HERC5: variants seen among roughly 807,000 people sequenced by gnomAD.
HERC5 encodes E3 ISG15--protein ligase HERC5.
HERC5 carries 99 observed loss-of-function variants against 119.6 expected under a neutral mutation model. The observed-to-expected ratio is 0.83, with a 90% CI of 0.70 to 0.98. The LOEUF is 0.98. Among genes scored for constraint, HERC5 ranks in the 50% least tolerant of loss-of-function variants. The probability of loss-of-function intolerance (pLI) is 0.00; values close to 1 mark genes in which losing one functional copy is unlikely to be tolerated. For missense variants in HERC5, 1,267 were observed against 1,241.3 expected (o/e 1.02, Z -0.31); for synonymous variants, 478 against 445.9 (o/e 1.07, Z -0.91).
Position 88,464,965 on chromosome 4 carries a change from T to C in HERC5, c.911+980T>C, listed in dbSNP as rs140060115. ...TTTTGTATTTTTAGTAAAGACGGGGTTTCACTGTGTTAGCCAGGATGGTCT... is the reference window on the plus strand; with the variant it reads ...TTTTGTATTTTTAGTAAAGACGGGGCTTCACTGTGTTAGCCAGGATGGTCT... On this transcript the variant is annotated intron_variant, in intron 6 of 22. Transcript: ENST00000264350. Among the ~76,000 whole-genome samples, 61 of 152,094 alleles carry C rather than the reference T, an allele frequency of 4.0e-4. 1 individual carries two copies. The highest frequency in any genetic ancestry group is 7.8e-4 in the Non-Finnish European group (53 of 68,002).
intron 1 of HERC5, among the ~76,000 whole-genome samples, 197 bp downstream of exon 1, chr4:88,457,731 G>A (rs556616902): frequency 2.2e-4 from 33 of 152,318 alleles, no homozygotes; most frequent in African/African-American, 7.5e-4. Flanking sequence ...CGCGGGGTGA[G>A]CGGGATACTG....
At chr4:88,469,105 C>A in intron 8 of HERC5, 52 bp from the exon 9 acceptor site, 1 of 1,253,944 alleles carries the variant, frequency 8.0e-7, no homozygotes, top group Non-Finnish European at 1.2e-6. Context: ...AGTTGGGTGC[C>A]TATCTCTGAT....
At chr4:88,477,440 G>T (rs1328371264) in intron 12 of HERC5, among the ~76,000 whole-genome samples, 17 of 87,438 alleles carry the variant, frequency 1.9e-4, no homozygotes, top group African/African-American at 8.5e-4. Context: ...GGAAAGGGAC[G>T]GGGAGGGGAA....
In HERC5 at chr4:88,457,521, C is replaced by A; in HGVS notation, c.252C>A (p.Gly84=). Reference sequence around the variant, plus strand: ...ACCAGCTGCTCGCCGGGAGCGGCGGCGCCCGGACGCCGAGTGAGTGGGGCT... The same window carrying A: ...ACCAGCTGCTCGCCGGGAGCGGCGGAGCCCGGACGCCGAGTGAGTGGGGCT... ...QVHQLLAGSG[G]ARTPKCIKLG... Residue 84 remains glycine, a synonymous_variant, in exon 1 of 23, where the codon GGC becomes GGA. Coordinates refer to ENST00000264350, the MANE Select transcript of HERC5 (RefSeq NM_016323.4). 1 of 1,269,032 alleles carries A rather than the reference C, an allele frequency of 7.9e-7. No homozygotes were observed. Among genetic ancestry groups the A allele is most frequent in the Middle Eastern group, 2.9e-4 (1 of 3,446 alleles). The allele number at this position is 1,269,032 out of a possible 1,614,324, so 78.6% of individuals were successfully genotyped here.
At chr4:88,460,035 A>T in intron 2 of HERC5, 60 bp from the exon 3 acceptor site, 1 of 950,392 alleles carries the variant, frequency 1.1e-6, no homozygotes, top group East Asian at 2.5e-5. Context: ...TAATAGTTCT[A>T]AAATCCATGT....
intron 15 of HERC5, 31 bp downstream of exon 15, chr4:88,487,210 A>G: frequency 8.2e-7 from 1 of 1,213,412 alleles, no homozygotes; most frequent in Non-Finnish European, 1.2e-6. Context: ...TCATTAGCAT[A>G]AATCACATGC....
At chr4:88,458,457 G>A (rs1438830494) in intron 1 of HERC5, among the ~76,000 whole-genome samples, 1 of 151,768 alleles carries the variant, frequency 6.6e-6, no homozygotes, top group African/African-American at 2.4e-5. Context: ...GAGGTAGGAG[G>A]GGAGCTAGAT....
Position 88,472,491 on chromosome 4 carries a change from AT to A in HERC5, c.1383del (p.Thr462LeufsTer3). 6.4e-7 allele frequency: 1 copy of A among 1,562,716 alleles called. No individual in the cohort carries two copies. Among genetic ancestry groups the A allele is most frequent in the Non-Finnish European group, 8.8e-7 (1 of 1,137,348 alleles). On this transcript the variant is annotated frameshift_variant, in exon 11 of 23. Transcript: ENST00000264350. LOFTEE classifies it high-confidence loss of function. ...IFKELTQKDW[I>X]TNMITTCLKD... ...CAAGGAGTTAACCCAAAAGGACTGG[AT>A]TACTAACATGGTATCTTCAGATTGT...
rs930433890 is a variant in HERC5 at position 88,475,890 on chromosome 4, C to T, written c.1442C>T (p.Ser481Phe). ...DNLLKRLPFH[S>F]PPQEALEIFF... The stretch of plus-strand genomic sequence containing the variant: ...CTGCTCAAAAGACTTCCATTTCATT[C>T]TCCACCCCAAGAAGCTTTAGAAATT... Residue 481 changes from serine (S) to phenylalanine (F), a missense_variant, in exon 12 of 23, where the codon TCT (serine) becomes TTT (phenylalanine). Physicochemically the swap from Ser to Phe is radical, Grantham distance 155. This residue lies in a region of HERC5 where 777 missense variants were observed against 758.0 expected (regional missense o/e 1.03). Transcript: ENST00000264350. 3.1e-6 allele frequency: 5 copies of T among 1,613,910 alleles called. No homozygotes were observed. The highest frequency in any genetic ancestry group is 2.7e-5 in the African/African-American group (2 of 74,920).
chr4:88,476,153 C>A, intron 12 of HERC5, 123 bp downstream of exon 12: 1 of 702,124 alleles, frequency 1.4e-6, no homozygotes, highest in Non-Finnish European at 2.3e-6. Flanking sequence ...GTATTGTTAG[C>A]ATACTCTAAA....
At chr4:88,487,699 T>C (rs1280824850) in intron 15 of HERC5, among the ~76,000 whole-genome samples, 2 of 152,182 alleles carry the variant, frequency 1.3e-5, no homozygotes, top group Non-Finnish European at 2.9e-5. Context: ...TGTTACTAGC[T>C]GAGGTGGTTA....
intron 12 of HERC5, among the ~76,000 whole-genome samples, chr4:88,477,652 G>A (rs1741131527): frequency 6.6e-6 from 1 of 151,896 alleles, no homozygotes; most frequent in South Asian, 2.1e-4. Flanking sequence ...ATTCTGGTCA[G>A]TTGTCTTGTA....
chr4:88,503,590 C>T (rs946473274), intron 20 of HERC5, among the ~76,000 whole-genome samples: 1 of 152,086 alleles, frequency 6.6e-6, no homozygotes, highest in Non-Finnish European at 1.5e-5. Context: ...GTATATGACT[C>T]GGTTGTCATT....
Position 88,457,238 on chromosome 4 carries a change from C to T in HERC5, c.-32C>T. ...CCCGGGACCAGGCGTTCTCTCCTCTCGCCTCTGGGCCTGGGACCCCGCAAA... is the reference window on the plus strand; with the variant it reads ...CCCGGGACCAGGCGTTCTCTCCTCTTGCCTCTGGGCCTGGGACCCCGCAAA... On this transcript the variant is annotated 5_prime_UTR_variant, in exon 1 of 23. Coordinates refer to ENST00000264350, the MANE Select transcript of HERC5 (RefSeq NM_016323.4). The T allele has an allele frequency of 7.7e-7, 1 of 1,300,482 alleles. No homozygotes were observed. The highest frequency in any genetic ancestry group is 9.8e-7 in the Non-Finnish European group (1 of 1,023,080). 80.6% of individuals were successfully genotyped at this position (1,300,482 alleles called of 1,614,324 possible).
chr4:88,493,512 G>A (rs1398948230), intron 17 of HERC5, among the ~76,000 whole-genome samples: 2 of 152,110 alleles, frequency 1.3e-5, no homozygotes, highest in African/African-American at 4.8e-5. Flanking sequence ...TAGTTTATAA[G>A]GATTACTGAA....
At chr4:88,460,271 T>C in intron 3 of HERC5, 100 bp downstream of exon 3, 1 of 564,106 alleles carries the variant, frequency 1.8e-6, no homozygotes, top group Non-Finnish European at 3.1e-6. Context: ...AGGACAGAAA[T>C]ACAGTTTTGA....
At chr4:88,468,472 T>C in intron 8 of HERC5, 50 bp downstream of exon 8, 5 of 1,299,742 alleles carry the variant, frequency 3.8e-6, no homozygotes, top group Non-Finnish European at 5.5e-6. Flanking sequence ...TAAGCAAAAC[T>C]AAGGGTTCTA....
chr4:88,483,536 T>C (rs1360639466), intron 13 of HERC5, among the ~76,000 whole-genome samples: 1 of 142,222 alleles, frequency 7.0e-6, no homozygotes, highest in East Asian at 2.0e-4. Context: ...TTTTTTTTTT[T>C]TTTTTTTCCT....
At chr4:88,496,760 G>C (rs182188138) in intron 18 of HERC5, among the ~76,000 whole-genome samples, 1 of 152,144 alleles carries the variant, frequency 6.6e-6, no homozygotes, top group Non-Finnish European at 1.5e-5. Flanking sequence ...GTAAAGAAAA[G>C]ATTTAATACA....
Sources: gnomAD v4.1 joint callset for allele counts (sites outside exome capture counted in the v4.1 genomes callset) on GRCh38, gnomAD v4.1.1 for gene constraint, gnomAD v4.1.1 regional missense constraint, MANE v1.5 for transcripts, NCBI Gene and HGNC (gene_info 2026-07-23, HGNC 2026-07-21) for gene names.